SDK2: variants seen among roughly 807,000 people sequenced by gnomAD.
SDK2 encodes protein sidekick-2.
A neutral mutation model predicts 253.9 loss-of-function variants in SDK2; 105 were observed. The observed-to-expected ratio is 0.41, with a 90% confidence interval of 0.35 to 0.49. The LOEUF is 0.49. SDK2 is among the 20% of genes least tolerant of loss of function. The probability of loss-of-function intolerance (pLI) is 0.06; values close to 1 mark genes in which losing one functional copy is unlikely to be tolerated. For synonymous variants in SDK2, 1,249 were observed against 1,234.9 expected (o/e 1.01, Z -0.24); for missense variants, 2,608 against 3,003.0 (o/e 0.87, Z 3.07).
At position 73,350,220 on chromosome 17, in the gene SDK2, C is replaced by T. The variant is rs756699553; in HGVS notation, c.6038+17G>A. ...ACTGCTGGGCCTGGCCCCCAACCCA[C>T]GCAGAGGGCCCAGTACCTGGTGTAC... On this transcript the variant is annotated intron_variant, in intron 43 of 44. Transcript: ENST00000392650. 67 of 418,780 alleles carry T rather than the reference C, an allele frequency of 1.6e-4. No homozygotes were observed. Among genetic ancestry groups the T allele is most frequent in the Admixed American group, 2.1e-4 (2 of 9,696 alleles). The allele number at this position is 418,780 out of a possible 1,614,324, so 25.9% of individuals were successfully genotyped here.
intron 37 of SDK2, among the ~76,000 whole-genome samples, chr17:73,365,888 G>A (rs1247871021): frequency 1.3e-5 from 2 of 152,124 alleles, no homozygotes; most frequent in Non-Finnish European, 1.5e-5. Context: ...GGGGCTCCAG[G>A]GCTTGTCACA....
intron 1 of SDK2, among the ~76,000 whole-genome samples, chr17:73,619,900 T>C (rs1011994334): frequency 5.9e-5 from 9 of 152,076 alleles, no homozygotes; most frequent in Non-Finnish European, 8.8e-5. Context: ...CAACAAAACA[T>C]AATTAAAAAT....
intron 1 of SDK2, among the ~76,000 whole-genome samples, chr17:73,513,280 C>T (rs915685488): frequency 4.6e-5 from 7 of 152,086 alleles, no homozygotes; most frequent in African/African-American, 1.7e-4. Flanking sequence ...AAAAGATTAA[C>T]AAACCAATAG....
intron 1 of SDK2, among the ~76,000 whole-genome samples, chr17:73,606,916 C>T (rs2045915946): frequency 6.6e-6 from 1 of 152,114 alleles, no homozygotes; most frequent in African/African-American, 2.4e-5. Flanking sequence ...AATGACTGAA[C>T]CAGAAGGGTG....
intron 1 of SDK2, among the ~76,000 whole-genome samples, chr17:73,602,876 C>T (rs2045859700): frequency 6.6e-6 from 1 of 152,054 alleles, no homozygotes; most frequent in African/African-American, 2.4e-5. Flanking sequence ...ACAGGGCCTG[C>T]CACCACGCCT....
chr17:73,412,298 G>A (rs568804849), intron 18 of SDK2, among the ~76,000 whole-genome samples: 1 of 148,698 alleles, frequency 6.7e-6, no homozygotes, highest in African/African-American at 2.5e-5. Flanking sequence ...ATATATATGT[G>A]TGTATATATA....
At chr17:73,579,320 G>A (rs973833282) in intron 1 of SDK2, among the ~76,000 whole-genome samples, 4 of 152,140 alleles carry the variant, frequency 2.6e-5, no homozygotes, top group African/African-American at 9.7e-5. Flanking sequence ...AGGGCCCGAG[G>A]GGTCAGGCCT....
chr17:73,483,698 TATATATATA>T lies in SDK2; in HGVS notation c.225-11489_225-11481del, dbSNP rs1398152565. The stretch of plus-strand genomic sequence containing the variant: ...ATATATATATTTATATATATATATA[TATATATATA>T]TTTTTTTTTTTTTTTAGTAGAGTTG... On this transcript the variant is annotated intron_variant, in intron 2 of 44. Transcript: ENST00000392650. Among the ~76,000 whole-genome samples, 159 of 82,020 alleles carry T rather than the reference TATATATATA, an allele frequency of 1.9e-3. 10 individuals carry two copies. Among genetic ancestry groups the T allele is most frequent in the African/African-American group, 3.1e-3 (60 of 19,502 alleles). The allele number at this position is 82,020 out of a possible 152,430, so 53.8% of individuals were successfully genotyped here.
intron 33 of SDK2, among the ~76,000 whole-genome samples, chr17:73,382,937 A>T (rs2062843201): frequency 6.6e-6 from 1 of 152,186 alleles, no homozygotes; most frequent in Non-Finnish European, 1.5e-5. Flanking sequence ...GCTGAGACAC[A>T]AGAGTCACTT....
intron 1 of SDK2, among the ~76,000 whole-genome samples, chr17:73,591,442 C>T (rs897244292): frequency 6.6e-5 from 10 of 152,148 alleles, no homozygotes; most frequent in African/African-American, 1.4e-4. Context: ...TCTTCCGGGA[C>T]GCCACAGTGG....
In SDK2 at chr17:73,551,669, A is replaced by G. The variant is rs553819322; in HGVS notation, c.65-44072T>C. ...AACATGGATTAAAAGCCTCCAACAC[A>G]CTGTTTGCTATGGACGCTGTGGATG... On this transcript the variant is annotated intron_variant, in intron 1 of 44. Coordinates refer to ENST00000392650, the MANE Select transcript of SDK2 (RefSeq NM_001144952.2). 2.6e-5 allele frequency among the ~76,000 whole-genome samples: 4 copies of G among 151,710 alleles called. No homozygotes were observed. In the East Asian group the frequency reaches 7.8e-4, roughly 29 times the overall value.
In SDK2 at chr17:73,338,675, G is replaced by T. The variant is rs748334451; in HGVS notation, c.6431C>A (p.Pro2144Gln). The part of the protein sequence containing the change: ...TPTPQNPPNP[P>Q]SQQSTLYRPP... ...ACGGTAGAGGGTGCTCTGCTGACTT[G>T]GGGGGTTAGGGGGGTTCTGGGGCGT... The change falls in exon 45 of 45, where the codon CCA becomes CAA. Residue 2144 changes from proline (P) to glutamine (Q), a missense_variant. Transcript: ENST00000392650. The surrounding 1 kb of genome is among the most constrained non-coding windows in gnomAD (Gnocchi z 5.0). 43 of 1,587,402 alleles carry T rather than the reference G, an allele frequency of 2.7e-5. No homozygotes were observed. Among genetic ancestry groups the T allele is most frequent in the Non-Finnish European group, 3.5e-5 (41 of 1,166,892 alleles).
At chr17:73,578,744 C>G (rs1193706178) in intron 1 of SDK2, among the ~76,000 whole-genome samples, 1 of 152,132 alleles carries the variant, frequency 6.6e-6, no homozygotes. Flanking sequence ...TTAGCTGGAG[C>G]ACCTCAGGCA....
intron 44 of SDK2, among the ~76,000 whole-genome samples, chr17:73,344,703 T>C (rs1170927455): frequency 1.3e-5 from 2 of 152,222 alleles, no homozygotes; most frequent in Non-Finnish European, 2.9e-5. Context: ...TGGCACAACT[T>C]TGGGCTGCGA....
At chr17:73,540,806 C>T (rs61731249) in intron 1 of SDK2, among the ~76,000 whole-genome samples, 1 of 152,178 alleles carries the variant, frequency 6.6e-6, no homozygotes, top group African/African-American at 2.4e-5. Context: ...CCTCTCCCCT[C>T]GTGGGCTGTG....
chr17:73,468,598 G>A (rs566897137), intron 3 of SDK2, among the ~76,000 whole-genome samples: 5 of 152,018 alleles, frequency 3.3e-5, no homozygotes, highest in Admixed American at 1.3e-4. Flanking sequence ...TGCAACCTCC[G>A]CCTCCCAGGT....
intron 1 of SDK2, among the ~76,000 whole-genome samples, chr17:73,589,358 G>A (rs1410515707): frequency 6.6e-6 from 1 of 152,252 alleles, no homozygotes; most frequent in African/African-American, 2.4e-5. Context: ...AAATAGAATG[G>A]GAATGAGGGT....
At chr17:73,400,089 A>G (rs2063009769) in intron 21 of SDK2, among the ~76,000 whole-genome samples, 1 of 152,174 alleles carries the variant, frequency 6.6e-6, no homozygotes, top group Non-Finnish European at 1.5e-5. Context: ...CCAGCCATCT[A>G]CGCAGCAGGT....
chr17:73,385,724 A>G, intron 32 of SDK2, 123 bp downstream of exon 32: 1 of 857,948 alleles, frequency 1.2e-6, no homozygotes, highest in Non-Finnish European at 1.9e-6. Flanking sequence ...ATGGCTTCCC[A>G]GGCGCTCTGG....
Sources: allele counts gnomAD v4.1 joint callset (sites outside exome capture counted in the v4.1 genomes callset), GRCh38; gene constraint gnomAD v4.1.1; non-coding constraint Gnocchi (gnomAD v3.1); transcripts MANE v1.5; gene names NCBI Gene and HGNC (gene_info 2026-07-23, HGNC 2026-07-21).